MGAM2: variants seen among roughly 807,000 people sequenced by gnomAD.
The protein encoded by MGAM2 is maltase-glucoamylase 2 (putative).
Under a neutral mutation model 96.1 loss-of-function variants are expected in MGAM2, and 98 were observed. That is an observed-to-expected ratio of 1.02 (90% CI 0.87 to 1.21). MGAM2 has a LOEUF of 1.21. MGAM2 is among the 50% of genes most tolerant of loss of function. The probability of loss-of-function intolerance (pLI) is 0.00; values close to 1 mark genes in which losing one functional copy is unlikely to be tolerated. For missense variants in MGAM2, 2,055 were observed against 1,182.4 expected (o/e 1.74, Z -10.82); for synonymous variants, 749 against 414.8 (o/e 1.81, Z -9.79).
intron 45 of MGAM2, among the ~76,000 whole-genome samples, chr7:142,208,037 G>A (rs117345688): frequency 1.6e-4 from 25 of 152,196 alleles, no homozygotes; most frequent in Non-Finnish European, 1.8e-4. Context: ...TGCACAAGCC[G>A]AACATTATGT....
At chr7:142,157,457 T>C (rs1795767363) in intron 17 of MGAM2, among the ~76,000 whole-genome samples, 1 of 151,572 alleles carries the variant, frequency 6.6e-6, no homozygotes, top group African/African-American at 2.4e-5. Flanking sequence ...AGTGGCACGA[T>C]CTCAGCTCAC....
intron 3 of MGAM2, among the ~76,000 whole-genome samples, chr7:142,129,447 T>C (rs1296932566): frequency 2.0e-5 from 3 of 152,150 alleles, no homozygotes; most frequent in Non-Finnish European, 2.9e-5. Flanking sequence ...CGGTGCAGAA[T>C]GACATGGTTT....
chr7:142,170,743 G>C (rs565421715), intron 27 of MGAM2, among the ~76,000 whole-genome samples: 1 of 152,158 alleles, frequency 6.6e-6, no homozygotes, highest in Non-Finnish European at 1.5e-5. Context: ...TGAAAGTCTG[G>C]ATTTTGCCTG....
chr7:142,145,299 A>G (rs181473491), intron 14 of MGAM2, among the ~76,000 whole-genome samples: 29 of 152,210 alleles, frequency 1.9e-4, no homozygotes, highest in Admixed American at 1.2e-3. Flanking sequence ...ACTACCTTAA[A>G]CTGAAGTAAA....
At chr7:142,210,108 T>A (rs925317750) in intron 46 of MGAM2, among the ~76,000 whole-genome samples, 3 of 151,804 alleles carry the variant, frequency 2.0e-5, no homozygotes, top group Non-Finnish European at 2.9e-5. Context: ...GCACAAGGGG[T>A]CAGGGTACTC....
chr7:142,196,919 C>T (rs1440847953), intron 40 of MGAM2, 103 bp downstream of exon 40: 1 of 623,090 alleles, frequency 1.6e-6, no homozygotes. Context: ...AATCAAAAAA[C>T]ATCACCAGAA....
rs966040361 is a variant in MGAM2 at position 142,158,268 on chromosome 7, C to T, written c.2099C>T (p.Thr700Met). ...ACTAGGTTCTACCAGGACTCAGCCA[C>T]GTGGGATGTGCATGAGCAGTTCTTA... ...LVHEFYQDSA[T>M]WDVHEQFLWG... The change falls in exon 19 of 48, where the codon ACG becomes ATG. Residue 700 changes from threonine to methionine, a missense_variant. Thr to Met is a moderately conservative substitution (Grantham distance 81). Coordinates refer to ENST00000477922, the MANE Select transcript of MGAM2 (RefSeq NM_001293626.2). 2.4e-5 allele frequency: 17 copies of T among 702,874 alleles called. No homozygotes were observed. The highest frequency in any genetic ancestry group is 1.2e-4 in the Admixed American group (6 of 49,998). 43.5% of individuals were successfully genotyped at this position (702,874 alleles called of 1,614,324 possible).
At position 142,189,503 on chromosome 7, in the gene MGAM2, C is replaced by T. The variant is rs972599694; in HGVS notation, c.4344C>T (p.Tyr1448=). 4.3e-5 allele frequency: 35 copies of T among 815,518 alleles called. No homozygotes were observed. Among genetic ancestry groups the T allele is most frequent in the East Asian group, 1.9e-4 (7 of 36,302 alleles). The allele number at this position is 815,518 out of a possible 1,614,324, so 50.5% of individuals were successfully genotyped here. Residue 1448 remains tyrosine, a splice_region_variant and synonymous_variant, in exon 37 of 48, where the codon TAC becomes TAT. Coordinates refer to ENST00000477922, the MANE Select transcript of MGAM2 (RefSeq NM_001293626.2). ...GGTGGTCCCAGACCAGACCCACATA[C>T]GAGTGAGTGTCTTTTTGTCACAGCA... ...LYGWSQTRPT[Y]EAVQEVTGQR... is the part of the protein sequence containing the mutation.
chr7:142,206,729 A>T (rs1420906591), intron 45 of MGAM2, among the ~76,000 whole-genome samples: 1 of 152,214 alleles, frequency 6.6e-6, no homozygotes. Flanking sequence ...TTTTATGGAG[A>T]AGGTTTTTAG....
At chr7:142,212,620 TA>T (rs1797621952) in intron 46 of MGAM2, among the ~76,000 whole-genome samples, 1 of 151,604 alleles carries the variant, frequency 6.6e-6, no homozygotes, top group Admixed American at 6.6e-5. Flanking sequence ...GGCCATTACA[TA>T]ATGTTAAGAG....
At chr7:142,201,071 C>CTTTGT (rs1797209722) in intron 45 of MGAM2, among the ~76,000 whole-genome samples, 1 of 84,382 alleles carries the variant, frequency 1.2e-5, no homozygotes. Context: ...CATCCTTTTT[C>CTTTGT]TTTTTTTTTT....
intron 46 of MGAM2, among the ~76,000 whole-genome samples, chr7:142,217,108 T>C (rs1797786917): frequency 6.6e-6 from 1 of 152,200 alleles, no homozygotes; most frequent in Non-Finnish European, 1.5e-5. Flanking sequence ...CCATGTAATT[T>C]TTCCTTTCTC....
intron 33 of MGAM2, 53 bp downstream of exon 33, chr7:142,183,426 T>A (rs1796599820): frequency 4.3e-6 from 3 of 691,718 alleles, no homozygotes; most frequent in Non-Finnish European, 7.9e-6. Context: ...TGTCTTGAAA[T>A]AAAACAGCTC....
chr7:142,161,696 A>G (rs905630411), intron 22 of MGAM2, among the ~76,000 whole-genome samples: 3 of 152,238 alleles, frequency 2.0e-5, no homozygotes, highest in Non-Finnish European at 4.4e-5. Context: ...ATCCAGCAGG[A>G]TAGATACAAT....
chr7:142,125,159 C>T (rs1296982895), intron 3 of MGAM2, among the ~76,000 whole-genome samples: 1 of 152,114 alleles, frequency 6.6e-6, no homozygotes, highest in African/African-American at 2.4e-5. Flanking sequence ...CTGATTTTAA[C>T]TAAACCTAAT....
At chr7:142,125,567 A>G (rs1794707408) in intron 3 of MGAM2, among the ~76,000 whole-genome samples, 1 of 152,104 alleles carries the variant, frequency 6.6e-6, no homozygotes, top group African/African-American at 2.4e-5. Flanking sequence ...GATCCCTTCC[A>G]GCCTTTTTTG....
chr7:142,217,039 C>A (rs3020844), intron 46 of MGAM2, among the ~76,000 whole-genome samples: 65,746 of 151,932 alleles, frequency 0.43, 14,381 homozygotes, highest in Admixed American at 0.5. Flanking sequence ...CCTTCCCATG[C>A]TTACCAGGAG....
intron 3 of MGAM2, among the ~76,000 whole-genome samples, chr7:142,125,447 CT>C (rs918044730): frequency 6.6e-6 from 1 of 151,900 alleles, no homozygotes; most frequent in Non-Finnish European, 1.5e-5. Flanking sequence ...TGAAACTGAC[CT>C]TTTGAATTAG....
intron 3 of MGAM2, among the ~76,000 whole-genome samples, chr7:142,125,143 T>A (rs543744544): frequency 6.6e-6 from 1 of 152,206 alleles, no homozygotes; most frequent in Non-Finnish European, 1.5e-5. Context: ...TGGAACTTCC[T>A]GGAGACTGAT....
Sources: gnomAD v4.1 joint callset for allele counts (sites outside exome capture counted in the v4.1 genomes callset) on GRCh38, gnomAD v4.1.1 for gene constraint, MANE v1.5 for transcripts, NCBI Gene and HGNC (gene_info 2026-07-23, HGNC 2026-07-21) for gene names.